ITPRID1: variants seen among roughly 807,000 people sequenced by gnomAD.
ITPRID1 encodes protein ITPRID1.
A neutral mutation model predicts 95.4 loss-of-function variants in ITPRID1; 96 were observed. The observed-to-expected ratio is 1.01, with a 90% CI of 0.85 to 1.19. ITPRID1 has a LOEUF of 1.19. Among genes scored for constraint, ITPRID1 ranks in the 50% most tolerant of loss-of-function variants. ITPRID1 has a pLI of 0.00. For missense variants in ITPRID1, 1,339 were observed against 1,252.9 expected (o/e 1.07, Z -1.04); for synonymous variants, 510 against 453.6 (o/e 1.12, Z -1.58).
intron 1 of ITPRID1, among the ~76,000 whole-genome samples, chr7:31,536,939 A>G (rs1783775793): frequency 6.6e-6 from 1 of 152,292 alleles, no homozygotes; most frequent in African/African-American, 2.4e-5. Flanking sequence ...TGGAAAGCTT[A>G]GAGGAGTTTC....
rs551253214 is a variant in ITPRID1, at chr7:31,523,983, A to T, written c.-98+9863A>T. On this transcript the variant is annotated intron_variant, in intron 1 of 14. Transcript: ENST00000615280. ...CTTGAACCATTGAAGAGCTCTTTAG[A>T]CTAAAATGTCTTGGAATCATTACCC... Among the ~76,000 whole-genome samples the T allele has an allele frequency of 4.1e-4, 63 of 152,346 alleles. 1 individual carries two copies. The highest frequency in any genetic ancestry group is 3.4e-3 in the Middle Eastern group (1 of 294).
intron 10 of ITPRID1, among the ~76,000 whole-genome samples, chr7:31,627,817 AAGGAG>A (rs1475603733): frequency 3.9e-5 from 6 of 152,178 alleles, no homozygotes; most frequent in African/African-American, 1.4e-4. Flanking sequence ...TTTTATTAAA[AAGGAG>A]ATTAATTGGA....
intron 1 of ITPRID1, among the ~76,000 whole-genome samples, chr7:31,535,871 T>G (rs1451717454): frequency 6.6e-6 from 1 of 152,102 alleles, no homozygotes; most frequent in African/African-American, 2.4e-5. Context: ...TTGTTGTTCC[T>G]CTCTGTGTAG....
intron 10 of ITPRID1, among the ~76,000 whole-genome samples, chr7:31,622,139 C>T (rs1583616042): frequency 7.3e-6 from 1 of 136,678 alleles, no homozygotes; most frequent in Non-Finnish European, 1.6e-5. Flanking sequence ...GACTTAGACT[C>T]CCACACATTA....
intron 10 of ITPRID1, among the ~76,000 whole-genome samples, chr7:31,598,317 T>C (rs1786173948): frequency 6.6e-6 from 1 of 151,324 alleles, no homozygotes; most frequent in South Asian, 2.1e-4. Flanking sequence ...CAAAGACAAG[T>C]CACAAAATAG....
At chr7:31,644,480 G>A (rs1301997070) in intron 12 of ITPRID1, among the ~76,000 whole-genome samples, 1 of 152,168 alleles carries the variant, frequency 6.6e-6, no homozygotes, top group Non-Finnish European at 1.5e-5. Context: ...GTGTGGGTGT[G>A]TTACTCTTAT....
At chr7:31,601,225 A>G (rs1170624288) in intron 10 of ITPRID1, among the ~76,000 whole-genome samples, 2 of 152,260 alleles carry the variant, frequency 1.3e-5, no homozygotes, top group African/African-American at 4.8e-5. Context: ...AGACAGATAC[A>G]GATCTAGGTG....
At chr7:31,560,144 T>G (rs1411846052) in intron 5 of ITPRID1, among the ~76,000 whole-genome samples, 6 of 152,192 alleles carry the variant, frequency 3.9e-5, no homozygotes, top group Non-Finnish European at 2.9e-5. Flanking sequence ...TATCTGGGGA[T>G]GAGCTGTTTC....
At chr7:31,625,138 G>C (rs1161634272) in intron 10 of ITPRID1, among the ~76,000 whole-genome samples, 2 of 152,112 alleles carry the variant, frequency 1.3e-5, no homozygotes, top group Non-Finnish European at 2.9e-5. Flanking sequence ...TGCTGGAGAG[G>C]ATGTGGAGAA....
At chr7:31,617,910 A>G (rs750715033) in intron 10 of ITPRID1, among the ~76,000 whole-genome samples, 3 of 152,228 alleles carry the variant, frequency 2.0e-5, no homozygotes, top group Non-Finnish European at 2.9e-5. Flanking sequence ...CAGGAAAAGA[A>G]GATAAAGTCC....
chr7:31,609,445 G>C (rs1562605572), intron 10 of ITPRID1, among the ~76,000 whole-genome samples: 1 of 151,522 alleles, frequency 6.6e-6, no homozygotes, highest in East Asian at 1.9e-4. Context: ...AATTTTCTTT[G>C]TGGACTGTTT....
In ITPRID1 at chr7:31,653,388, C is replaced by G. The variant is rs1361468004; in HGVS notation, c.*559C>G. ...TATGCATTCACCTAGCTCAGTGGAT[C>G]TGCACTTTTACAGAAGGTAAAATAA... On this transcript the variant is annotated 3_prime_UTR_variant, in exon 15 of 15. Transcript: ENST00000615280. 6.5e-6 allele frequency: 1 copy of G among 153,052 alleles called. No homozygotes were observed. The highest frequency in any genetic ancestry group is 1.4e-5 in the Non-Finnish European group (1 of 69,220). 9.5% of individuals were successfully genotyped at this position (153,052 alleles called of 1,614,324 possible).
intron 7 of ITPRID1, among the ~76,000 whole-genome samples, chr7:31,573,124 C>T (rs1785049718): frequency 6.6e-6 from 1 of 152,146 alleles, no homozygotes; most frequent in Admixed American, 6.6e-5. Context: ...CAAATGGAGC[C>T]ATCTCCAGTT....
chr7:31,570,988 G>A (rs1784966609), intron 6 of ITPRID1, among the ~76,000 whole-genome samples: 2 of 151,706 alleles, frequency 1.3e-5, no homozygotes, highest in East Asian at 1.9e-4. Context: ...CAACCTTACA[G>A]AACAGAAGCA....
rs563387699 is a variant in ITPRID1, at chr7:31,577,798, T to C, written c.599-65T>C. 16 of 1,345,386 alleles carry C rather than the reference T, an allele frequency of 1.2e-5. No individual in the cohort carries two copies. In the Admixed American group the frequency reaches 1.4e-4, roughly 11 times the overall value. 83.3% of individuals were successfully genotyped at this position (1,345,386 alleles called of 1,614,324 possible). On this transcript the variant is annotated intron_variant, in intron 8 of 14. Transcript: ENST00000615280. ...TGTTAACGGACCCTTCAGTTTTGAC[T>C]ACGTTAATATGGTTTCAGCAAAAAA...
At chr7:31,554,389 T>G (rs1224907021) in intron 3 of ITPRID1, 86 bp from the exon 4 acceptor site, 1 of 1,526,622 alleles carries the variant, frequency 6.6e-7, no homozygotes, top group African/African-American at 1.4e-5. Context: ...TGGGAAATAG[T>G]GACTGAGTGG....
chr7:31,639,717 T>C (rs1266340811), intron 10 of ITPRID1, among the ~76,000 whole-genome samples: 2 of 152,130 alleles, frequency 1.3e-5, no homozygotes, highest in East Asian at 3.9e-4. Context: ...TTAGTATTTT[T>C]AGTAGAGACG....
At chr7:31,615,695 T>TG (rs1787138685) in intron 10 of ITPRID1, among the ~76,000 whole-genome samples, 3 of 147,652 alleles carry the variant, frequency 2.0e-5, no homozygotes, top group Non-Finnish European at 4.5e-5. Flanking sequence ...ACTAATAACA[T>TG]ACTAAGTGAC....
chr7:31,521,533 T>C (rs551458071), intron 1 of ITPRID1, among the ~76,000 whole-genome samples: 1 of 152,338 alleles, frequency 6.6e-6, no homozygotes, highest in Non-Finnish European at 1.5e-5. Flanking sequence ...TACTCAAGAT[T>C]ATGATATGTA....
Sources: gnomAD v4.1 joint callset for allele counts (sites outside exome capture counted in the v4.1 genomes callset) on GRCh38, gnomAD v4.1.1 for gene constraint, MANE v1.5 for transcripts, NCBI Gene and HGNC (gene_info 2026-07-23, HGNC 2026-07-21) for gene names.